Variants in CCBE1 observed in about 807,000 individuals in gnomAD.
CCBE1 encodes the protein collagen and calcium binding EGF domains 1, also known as collagen and calcium-binding EGF domain-containing protein 1.
In CCBE1, 37 loss-of-function variants were observed where a neutral mutation model predicts 50.0. That is an observed-to-expected ratio of 0.74 (90% CI 0.57 to 0.97). The LOEUF (loss-of-function observed/expected upper bound fraction) is 0.97. Among genes scored for constraint, CCBE1 ranks in the 50% least tolerant of loss-of-function variants. The pLI, the probability that CCBE1 is intolerant of heterozygous loss-of-function variation, is 0.00. For synonymous variants in CCBE1, 234 were observed against 203.7 expected (o/e 1.15, Z -1.27); for missense variants, 538 against 523.8 (o/e 1.03, Z -0.26).
At chr18:59,554,095 C>T (rs549274199) in intron 2 of CCBE1, among the ~76,000 whole-genome samples, 42 of 152,238 alleles carry the variant, frequency 2.8e-4, no homozygotes, top group African/African-American at 9.1e-4. Context: ...CAGTAATTCC[C>T]GGGCTCAAGC....
intron 2 of CCBE1, among the ~76,000 whole-genome samples, chr18:59,603,533 T>A (rs1791402833): frequency 6.6e-6 from 1 of 152,198 alleles, no homozygotes; most frequent in African/African-American, 2.4e-5. Context: ...ACCTTTCACA[T>A]CCTGGGTCAT....
At chr18:59,663,095 C>G (rs1221494978) in intron 2 of CCBE1, among the ~76,000 whole-genome samples, 1 of 138,398 alleles carries the variant, frequency 7.2e-6, no homozygotes, top group African/African-American at 3.0e-5. Flanking sequence ...GTGCTAGGCA[C>G]CAGGCTTGGT....
chr18:59,601,145 C>T (rs74478451), intron 2 of CCBE1, among the ~76,000 whole-genome samples: 1,886 of 147,834 alleles, frequency 0.013, 48 homozygotes, highest in African/African-American at 0.044. Flanking sequence ...GATTCTTCTA[C>T]CTCAGCCTCT....
intron 9 of CCBE1, among the ~76,000 whole-genome samples, chr18:59,439,092 C>G (rs1349307170): frequency 2.0e-5 from 3 of 152,084 alleles, no homozygotes; most frequent in African/African-American, 7.2e-5. Context: ...GGAGACCATC[C>G]TGGCTAACAC....
intron 2 of CCBE1, among the ~76,000 whole-genome samples, chr18:59,543,970 C>G (rs1915586109): frequency 6.6e-6 from 1 of 151,768 alleles, no homozygotes; most frequent in Non-Finnish European, 1.5e-5. Context: ...TGTCAAATTT[C>G]AAACACACGT....
rs750818349 is a variant in CCBE1, at chr18:59,454,967, G to A, written c.554-16C>T. On this transcript the variant is annotated splice_polypyrimidine_tract_variant and intron_variant, in intron 5 of 10. Coordinates refer to ENST00000439986, the MANE Select transcript of CCBE1 (RefSeq NM_133459.4). Reference sequence around the variant, plus strand: ...TTCTCATGGCCTGAGAAAGGAGATAGGCTCAGTCCTGTCTGGGAGGCTGGA... The same window carrying A: ...TTCTCATGGCCTGAGAAAGGAGATAAGCTCAGTCCTGTCTGGGAGGCTGGA... 5 of 1,605,530 alleles carry A rather than the reference G, an allele frequency of 3.1e-6. No homozygotes were observed. Among genetic ancestry groups the A allele is most frequent in the Non-Finnish European group, 4.3e-6 (5 of 1,172,724 alleles).
chr18:59,649,748 A>G (rs76267982), intron 2 of CCBE1, among the ~76,000 whole-genome samples: 4,193 of 152,164 alleles, frequency 0.028, 185 homozygotes, highest in African/African-American at 0.096. Context: ...TCACAACACA[A>G]AAGTAAAAGT....
At chr18:59,569,089 G>C (rs567154214) in intron 2 of CCBE1, among the ~76,000 whole-genome samples, 1 of 152,108 alleles carries the variant, frequency 6.6e-6, no homozygotes, top group African/African-American at 2.4e-5. Context: ...AACGATGTTC[G>C]ATTCCACTCT....
At chr18:59,524,043 G>A (rs572121080) in intron 2 of CCBE1, among the ~76,000 whole-genome samples, 23 of 152,266 alleles carry the variant, frequency 1.5e-4, no homozygotes, top group Non-Finnish European at 3.1e-4. Flanking sequence ...TATTCAGGCC[G>A]GGCTTATTGT....
chr18:59,515,879 G>C (rs913404573), intron 2 of CCBE1, among the ~76,000 whole-genome samples: 2 of 152,200 alleles, frequency 1.3e-5, no homozygotes, highest in South Asian at 2.1e-4. Flanking sequence ...TTACAGGTTT[G>C]AGGAGAGGAC....
At chr18:59,536,501 A>G (rs1915254470) in intron 2 of CCBE1, among the ~76,000 whole-genome samples, 1 of 152,248 alleles carries the variant, frequency 6.6e-6, no homozygotes, top group Admixed American at 6.5e-5. Context: ...GTTCAAAGGA[A>G]GAGAAGGTTG....
chr18:59,463,856 A>G (rs1039588492), intron 5 of CCBE1, among the ~76,000 whole-genome samples: 1 of 152,248 alleles, frequency 6.6e-6, no homozygotes, highest in Non-Finnish European at 1.5e-5. Flanking sequence ...GCAAAGAGAC[A>G]ATGGACTTGC....
chr18:59,443,624 C>A (rs868351715), intron 7 of CCBE1, among the ~76,000 whole-genome samples: 3 of 138,146 alleles, frequency 2.2e-5, no homozygotes, highest in Admixed American at 7.0e-5. Flanking sequence ...CCACCACCAC[C>A]CCCGGCTAAT....
At chr18:59,682,076 C>T (rs2054596848) in intron 2 of CCBE1, among the ~76,000 whole-genome samples, 1 of 152,176 alleles carries the variant, frequency 6.6e-6, no homozygotes, top group South Asian at 2.1e-4. Flanking sequence ...AAAACCATGT[C>T]TCCCAGACCG....
intron 2 of CCBE1, among the ~76,000 whole-genome samples, chr18:59,571,430 G>A (rs1222936020): frequency 7.2e-6 from 1 of 137,992 alleles, no homozygotes; most frequent in Non-Finnish European, 1.5e-5. Context: ...TGAACAATGA[G>A]AACACTTGGA....
intron 2 of CCBE1, among the ~76,000 whole-genome samples, chr18:59,565,420 G>C (rs1267878304): frequency 8.5e-6 from 1 of 117,132 alleles, no homozygotes; most frequent in Non-Finnish European, 1.7e-5. Context: ...TGTGGTACGA[G>C]GTAGACAAAG....
intron 2 of CCBE1, among the ~76,000 whole-genome samples, chr18:59,566,589 C>T (rs887488113): frequency 1.3e-5 from 2 of 152,168 alleles, no homozygotes; most frequent in African/African-American, 2.4e-5. Flanking sequence ...AAGAAGTACT[C>T]AACTGTCTTG....
At chr18:59,659,566 A>G (rs745575201) in intron 2 of CCBE1, among the ~76,000 whole-genome samples, 2 of 152,206 alleles carry the variant, frequency 1.3e-5, no homozygotes, top group Non-Finnish European at 2.9e-5. Context: ...AACATCACGA[A>G]ACAAAATCCA....
chr18:59,444,311 T>C (rs976812545), intron 7 of CCBE1, among the ~76,000 whole-genome samples: 3 of 147,726 alleles, frequency 2.0e-5, no homozygotes, highest in Non-Finnish European at 4.6e-5. Context: ...CTCATTCATA[T>C]ATATACATTT....
Sources: gnomAD v4.1 joint callset for allele counts (sites outside exome capture counted in the v4.1 genomes callset) on GRCh38, gnomAD v4.1.1 for gene constraint, MANE v1.5 for transcripts, NCBI Gene and HGNC (gene_info 2026-07-23, HGNC 2026-07-21) for gene names.